RGS17: variants seen among roughly 807,000 people sequenced by gnomAD.
The protein encoded by RGS17 is regulator of G protein signaling 17, also known as regulator of G-protein signaling 17.
A neutral mutation model predicts 25.5 loss-of-function variants in RGS17; 12 were observed. The observed-to-expected ratio is 0.47, with a 90% CI of 0.30 to 0.76. RGS17 has a LOEUF of 0.76. Among genes scored for constraint, RGS17 ranks in the 30% least tolerant of loss-of-function variants. The pLI is 0.07. For synonymous variants in RGS17, 71 were observed against 76.9 expected, an observed-to-expected ratio of 0.92 and a Z score of 0.40; for missense variants, 196 against 242.2, an observed-to-expected ratio of 0.81 and a Z score of 1.27.
At chr6:153,030,772 G>C (rs564059864) in intron 2 of RGS17, among the ~76,000 whole-genome samples, 2 of 152,284 alleles carry the variant, frequency 1.3e-5, no homozygotes, top group South Asian at 4.1e-4. Flanking sequence ...ACTGGTTCAT[G>C]CAACATTCCC....
intron 2 of RGS17, among the ~76,000 whole-genome samples, chr6:153,031,154 A>C (rs2129107882): frequency 6.6e-6 from 1 of 152,344 alleles, no homozygotes; most frequent in South Asian, 2.1e-4. Flanking sequence ...GTGTTATCCA[A>C]GAAAATGATG....
chr6:153,098,319 A>G (rs1034222882), intron 1 of RGS17, among the ~76,000 whole-genome samples: 1 of 152,174 alleles, frequency 6.6e-6, no homozygotes, highest in Non-Finnish European at 1.5e-5. Context: ...ATGACCAACT[A>G]ATATCTTCAA....
In RGS17 at chr6:153,130,591, T is replaced by G. The variant is rs1481052515; in HGVS notation, c.-26+533A>C. Among the ~76,000 whole-genome samples, 1 of 152,154 alleles carries G rather than the reference T, an allele frequency of 6.6e-6. No individual in the cohort carries two copies. The highest frequency in any genetic ancestry group is 1.5e-5 in the Non-Finnish European group (1 of 68,020). On this transcript the variant is annotated intron_variant, in intron 1 of 4. Coordinates refer to ENST00000206262, the MANE Select transcript of RGS17 (RefSeq NM_012419.5). The surrounding 1 kb of genome is among the most constrained non-coding windows in gnomAD (Gnocchi z 6.4). ...CACCTTCCCCACCTGAGCAGTGCATTTTCCCAAAGGTAAAGAGAGATAAGG... is the reference window on the plus strand; with the variant it reads ...CACCTTCCCCACCTGAGCAGTGCATGTTCCCAAAGGTAAAGAGAGATAAGG...
chr6:153,120,155 G>A lies in RGS17; in HGVS notation c.-26+10969C>T, dbSNP rs552869844. 2.0e-5 allele frequency among the ~76,000 whole-genome samples: 3 copies of A among 152,312 alleles called. No homozygotes were observed. The South Asian group carries it at 6.2e-4, about 32-fold the overall frequency. On this transcript the variant is annotated intron_variant, in intron 1 of 4. Transcript: ENST00000206262. ...AACGATTGCCAACTTCATTCTGGACGCTATATGGCTCTACTGACATAGCCT... is the reference window on the plus strand; with the variant it reads ...AACGATTGCCAACTTCATTCTGGACACTATATGGCTCTACTGACATAGCCT...
intron 1 of RGS17, among the ~76,000 whole-genome samples, chr6:153,098,147 C>T (rs1777245067): frequency 6.6e-6 from 1 of 152,114 alleles, no homozygotes; most frequent in Admixed American, 6.6e-5. Flanking sequence ...ATTACTGCTG[C>T]TGCTGAAGGC....
chr6:153,054,503 T>TCCC, intron 1 of RGS17, among the ~76,000 whole-genome samples: 2 of 151,598 alleles, frequency 1.3e-5, no homozygotes, highest in Middle Eastern at 6.8e-3. Context: ...ATACAAAAAT[T>TCCC]AGCCAGGCAT....
At chr6:153,122,458 T>A (rs1405645245) in intron 1 of RGS17, among the ~76,000 whole-genome samples, 2 of 152,138 alleles carry the variant, frequency 1.3e-5, no homozygotes, top group Non-Finnish European at 2.9e-5. Context: ...AGTAATTTAG[T>A]TTAAAATGTT....
At chr6:153,038,023 A>G (rs1314766792) in intron 2 of RGS17, among the ~76,000 whole-genome samples, 1 of 152,172 alleles carries the variant, frequency 6.6e-6, no homozygotes, top group Non-Finnish European at 1.5e-5. Flanking sequence ...GGTCATCCCC[A>G]AAGCTCCGGT....
In RGS17 at chr6:153,011,613, T is replaced by C. The variant is rs145201854; in HGVS notation, c.594A>G (p.Ser198=). The C allele has an allele frequency of 1.1e-3, 1,798 of 1,611,248 alleles. 4 individuals carry two copies. Among genetic ancestry groups the C allele is most frequent in the Admixed American group, 1.2e-3 (73 of 59,624 alleles). ...AAGAGCCAGCAGTACTTTCAACAAA[T>C]GACTTATAAATTTGAGAGTTCAAAA... ...PRFLNSQIYK[S]FVESTAGSSS... Residue 198 remains serine (S), a synonymous_variant, in exon 5 of 5, where the codon TCA becomes TCG. Transcript: ENST00000206262.
At chr6:153,056,308 G>A (rs1281515074) in intron 1 of RGS17, among the ~76,000 whole-genome samples, 3 of 152,130 alleles carry the variant, frequency 2.0e-5, no homozygotes, top group Non-Finnish European at 2.9e-5. Context: ...TTCCTCTGAA[G>A]AAGAGAAAGA....
At chr6:153,099,996 T>G (rs573526029) in intron 1 of RGS17, among the ~76,000 whole-genome samples, 12 of 152,298 alleles carry the variant, frequency 7.9e-5, no homozygotes, top group Admixed American at 7.8e-4. Context: ...AGGGCTATAT[T>G]TAGTACATTC....
chr6:153,046,478 T>C (rs7767938), intron 1 of RGS17, among the ~76,000 whole-genome samples: 40,826 of 151,568 alleles, frequency 0.27, 5,566 homozygotes, highest in East Asian at 0.36. Context: ...ACCCCATGAA[T>C]ATGTACAATT....
At position 153,111,219 on chromosome 6, in the gene RGS17, A is replaced by C. The variant is rs531635846; in HGVS notation, c.-26+19905T>G. Among the ~76,000 whole-genome samples, 347 of 152,288 alleles carry C rather than the reference A, an allele frequency of 2.3e-3. 3 individuals carry two copies. The highest frequency in any genetic ancestry group is 8.0e-3 in the African/African-American group (334 of 41,572). On this transcript the variant is annotated intron_variant, in intron 1 of 4. Coordinates refer to ENST00000206262, the MANE Select transcript of RGS17 (RefSeq NM_012419.5). ...TTGAAATTCTTGCTGCCGGCACAGC[A>C]GTCTGAACTTGCTGGGATGCTCGAG... is the stretch of plus-strand genomic sequence containing the variant.
intron 1 of RGS17, among the ~76,000 whole-genome samples, chr6:153,100,004 T>C (rs1319945259): frequency 6.6e-6 from 1 of 152,158 alleles, no homozygotes; most frequent in Admixed American, 6.5e-5. Context: ...ATTTAGTACA[T>C]TCTCCTTGAT....
chr6:153,054,092 T>TATATATATATATATA (rs1393844507), intron 1 of RGS17, among the ~76,000 whole-genome samples: 3 of 42,098 alleles, frequency 7.1e-5, no homozygotes, highest in African/African-American at 2.3e-4. Flanking sequence ...ACAATATTTT[T>TATATATATATATATA]TATATATATA....
intron 2 of RGS17, among the ~76,000 whole-genome samples, chr6:153,042,062 C>T (rs1776328796): frequency 6.6e-6 from 1 of 152,138 alleles, no homozygotes; most frequent in African/African-American, 2.4e-5. Flanking sequence ...AAGATTTGAA[C>T]CCCGGCAGTC....
chr6:153,054,753 T>C (rs9322408), intron 1 of RGS17, among the ~76,000 whole-genome samples: 58,296 of 151,376 alleles, frequency 0.39, 11,973 homozygotes, highest in East Asian at 0.62. Context: ...AAAAACATCA[T>C]AGGCAAACGC....
chr6:153,057,443 C>T (rs1488185823), intron 1 of RGS17, among the ~76,000 whole-genome samples: 1 of 152,050 alleles, frequency 6.6e-6, no homozygotes, highest in African/African-American at 2.4e-5. Context: ...AGCTGTATTA[C>T]AATATGGTGA....
chr6:153,016,432 C>T (rs1362925667), intron 4 of RGS17, among the ~76,000 whole-genome samples: 1 of 151,914 alleles, frequency 6.6e-6, no homozygotes, highest in Non-Finnish European at 1.5e-5. Context: ...GGAAACCTTA[C>T]ATTAGAGATT....
Sources: gnomAD v4.1 joint callset for allele counts (sites outside exome capture counted in the v4.1 genomes callset) on GRCh38, gnomAD v4.1.1 for gene constraint, Gnocchi (gnomAD v3.1) non-coding constraint, MANE v1.5 for transcripts, NCBI Gene and HGNC (gene_info 2026-07-23, HGNC 2026-07-21) for gene names.